Variants in DLG2 observed in about 807,000 individuals in gnomAD.
DLG2 encodes the protein discs large MAGUK scaffold protein 2.
Under a neutral mutation model 132.5 loss-of-function variants are expected in DLG2, and 45 were observed. The ratio of observed to expected loss-of-function variants is 0.34; its 90% CI spans 0.27 to 0.44. The LOEUF is 0.44. Among genes scored for constraint, DLG2 ranks in the 20% least tolerant of loss-of-function variants. The pLI, the probability that DLG2 is intolerant of heterozygous loss-of-function variation, is 1.00. For missense variants in DLG2, 1,045 were observed against 1,196.9 expected, an observed-to-expected ratio of 0.87 and a Z score of 1.87; for synonymous variants, 424 against 419.6, an observed-to-expected ratio of 1.01 and a Z score of -0.13.
At chr11:85,430,293 A>G (rs973790665) in intron 3 of DLG2, among the ~76,000 whole-genome samples, 6 of 152,042 alleles carry the variant, frequency 3.9e-5, no homozygotes, top group Non-Finnish European at 7.4e-5. Context: ...CATGGCACAT[A>G]TATACATATG....
At chr11:85,387,439 T>C (rs1468566162) in intron 3 of DLG2, among the ~76,000 whole-genome samples, 1 of 152,200 alleles carries the variant, frequency 6.6e-6, no homozygotes, top group Non-Finnish European at 1.5e-5. Flanking sequence ...ACCATTTAAA[T>C]ACAAGCCTTA....
At chr11:84,406,052 T>C (rs1038484068) in intron 7 of DLG2, among the ~76,000 whole-genome samples, 1 of 152,170 alleles carries the variant, frequency 6.6e-6, no homozygotes, top group South Asian at 2.1e-4. Context: ...CCTTCTTTTC[T>C]GCCAAGAGTC....
chr11:84,382,169 C>T (rs142040886), intron 7 of DLG2, among the ~76,000 whole-genome samples: 1 of 152,128 alleles, frequency 6.6e-6, no homozygotes, highest in African/African-American at 2.4e-5. Flanking sequence ...ATCAGTTTAA[C>T]CCTCCCTAAT....
At chr11:83,838,798 C>T (rs1246926115) in intron 16 of DLG2, among the ~76,000 whole-genome samples, 3 of 148,218 alleles carry the variant, frequency 2.0e-5, no homozygotes, top group Non-Finnish European at 4.5e-5. Flanking sequence ...AAAAAAAAAG[C>T]TGTCATTGTA....
chr11:85,104,665 C>A (rs2071405738), intron 6 of DLG2, among the ~76,000 whole-genome samples: 1 of 151,562 alleles, frequency 6.6e-6, no homozygotes, highest in Non-Finnish European at 1.5e-5. Flanking sequence ...TGTGAAAGAA[C>A]TAACATTCAT....
chr11:84,442,033 G>T (rs1040613455), intron 7 of DLG2, among the ~76,000 whole-genome samples: 11 of 152,196 alleles, frequency 7.2e-5, no homozygotes, highest in Non-Finnish European at 1.5e-4. Context: ...TTATAGTATA[G>T]TTTGAAATCA....
At chr11:85,274,837 A>C (rs1242038282) in intron 4 of DLG2, among the ~76,000 whole-genome samples, 1 of 152,218 alleles carries the variant, frequency 6.6e-6, no homozygotes, top group Non-Finnish European at 1.5e-5. Context: ...ACCCAGAAAA[A>C]AGAATGCTGC....
chr11:84,446,099 T>C (rs1461395128), intron 7 of DLG2, among the ~76,000 whole-genome samples: 2 of 152,004 alleles, frequency 1.3e-5, no homozygotes. Context: ...GCTTTCAGGG[T>C]ATATCCTCAG....
intron 7 of DLG2, chr11:84,273,045 G>T: frequency 2.0e-6 from 2 of 989,260 alleles, no homozygotes; most frequent in Non-Finnish European, 2.7e-6. Context: ...AAATAACTAT[G>T]ATCATCAAAT....
chr11:85,473,393 A>T (rs764562583), intron 3 of DLG2, among the ~76,000 whole-genome samples: 15 of 152,250 alleles, frequency 9.9e-5, no homozygotes, highest in Non-Finnish European at 2.2e-4. Context: ...ATTCAAAAGC[A>T]GAAGGAAATA....
intron 9 of DLG2, among the ~76,000 whole-genome samples, chr11:84,122,295 G>A (rs1244650239): frequency 6.6e-6 from 1 of 152,118 alleles, no homozygotes. Flanking sequence ...ACTCCAGCCT[G>A]GGTGACAGAG....
At chr11:83,553,250 T>G (rs930603675) in intron 19 of DLG2, among the ~76,000 whole-genome samples, 2 of 152,200 alleles carry the variant, frequency 1.3e-5, no homozygotes, top group African/African-American at 4.8e-5. Context: ...CTAAGATTTT[T>G]TAAAATTTTT....
intron 18 of DLG2, 130 bp downstream of exon 18, chr11:83,786,560 A>G: frequency 1.3e-6 from 1 of 748,048 alleles, no homozygotes; most frequent in Non-Finnish European, 2.2e-6. Context: ...ATGAACCATC[A>G]ATTTTTCACT....
At chr11:84,024,704 A>G (rs1193622559) in intron 11 of DLG2, among the ~76,000 whole-genome samples, 1 of 152,144 alleles carries the variant, frequency 6.6e-6, no homozygotes, top group Non-Finnish European at 1.5e-5. Flanking sequence ...AAAACAACTG[A>G]ACTCATCAAA....
chr11:84,444,957 C>T (rs1390233881), intron 7 of DLG2, among the ~76,000 whole-genome samples: 1 of 152,032 alleles, frequency 6.6e-6, no homozygotes, highest in Non-Finnish European at 1.5e-5. Flanking sequence ...CACGTGCCAC[C>T]ACGCCGAGCT....
At chr11:85,277,811 T>C (rs189464242) in intron 4 of DLG2, among the ~76,000 whole-genome samples, 1 of 152,298 alleles carries the variant, frequency 6.6e-6, no homozygotes. Flanking sequence ...GGGTAATACA[T>C]AGTCTCCAGG....
intron 9 of DLG2, among the ~76,000 whole-genome samples, chr11:84,112,242 C>T (rs1182104083): frequency 6.6e-6 from 1 of 151,936 alleles, no homozygotes; most frequent in Non-Finnish European, 1.5e-5. Context: ...CCGTGATCCA[C>T]CCGCCTCGGC....
chr11:84,247,968 C>T (rs1309195656), intron 8 of DLG2, among the ~76,000 whole-genome samples: 2 of 152,172 alleles, frequency 1.3e-5, no homozygotes, highest in African/African-American at 4.8e-5. Flanking sequence ...TCTTACGCAA[C>T]ATGACTAAAA....
intron 18 of DLG2, chr11:83,646,694 T>G (rs1219918007): frequency 3.9e-5 from 6 of 152,230 alleles, no homozygotes; most frequent in African/African-American, 1.4e-4. Flanking sequence ...TGCACATGTA[T>G]GTGCATGAAT....
Sources: allele counts gnomAD v4.1 joint callset (sites outside exome capture counted in the v4.1 genomes callset), GRCh38; gene constraint gnomAD v4.1.1; transcripts MANE v1.5; gene names NCBI Gene and HGNC (gene_info 2026-07-23, HGNC 2026-07-21).